The following TMCO4 variants were observed in gnomAD, a reference collection of about 807,000 sequenced individuals.
TMCO4 encodes the protein transmembrane and coiled-coil domains 4.
A neutral mutation model predicts 64.7 loss-of-function variants in TMCO4; 58 were observed. That is an observed-to-expected ratio of 0.90 (90% CI 0.73 to 1.12). TMCO4 has a LOEUF of 1.12. Ranked by LOEUF, TMCO4 falls within the 50% of genes most tolerant of loss-of-function variation. The probability of loss-of-function intolerance (pLI) is 0.00; values close to 1 mark genes in which losing one functional copy is unlikely to be tolerated. For missense variants in TMCO4, 780 were observed against 825.9 expected, an observed-to-expected ratio of 0.94 and a Z score of 0.68; for synonymous variants, 325 against 346.1, an observed-to-expected ratio of 0.94 and a Z score of 0.68.
At chr1:19,709,287 G>A (rs531416821) in intron 13 of TMCO4, among the ~76,000 whole-genome samples, 808 of 46,182 alleles carry the variant, frequency 0.017, 12 homozygotes, top group African/African-American at 0.062. Context: ...ACATCCCGGC[G>A]GGGGGGGGGG....
intron 7 of TMCO4, among the ~76,000 whole-genome samples, chr1:19,752,964 A>AT (rs34801580): frequency 0.051 from 7,388 of 143,996 alleles, 219 homozygotes; most frequent in Middle Eastern, 0.072. Context: ...TTTAATTGTA[A>AT]TTTTTTTTTT....
intron 13 of TMCO4, among the ~76,000 whole-genome samples, chr1:19,703,351 A>G (rs2095284351): frequency 6.6e-6 from 1 of 152,072 alleles, no homozygotes; most frequent in Non-Finnish European, 1.5e-5. Context: ...GTGAATGCAC[A>G]GTGGGAGTTC....
chr1:19,730,493 T>C (rs1350445623), intron 13 of TMCO4, among the ~76,000 whole-genome samples: 2 of 152,266 alleles, frequency 1.3e-5, no homozygotes, highest in Admixed American at 6.5e-5. Context: ...GTACTCTCTG[T>C]TGGCATTATT....
At position 19,745,421 on chromosome 1, in the gene TMCO4, G is replaced by A. The variant is rs115302357; in HGVS notation, c.877+111C>T. On this transcript the variant is annotated intron_variant, in intron 10 of 15. Transcript: ENST00000294543. Reference sequence around the variant, plus strand: ...TCTGAGCCTCAGTTTCTTCCTCTGCGAAATGGGGCTCCCTATACCTGCTCC... The same window carrying A: ...TCTGAGCCTCAGTTTCTTCCTCTGCAAAATGGGGCTCCCTATACCTGCTCC... 3.4e-3 allele frequency: 5,134 copies of A among 1,516,064 alleles called. 132 individuals are homozygous for A. The African/African-American group carries it at 0.051, about 15-fold the overall frequency. The allele number at this position is 1,516,064 out of a possible 1,614,324, so 93.9% of individuals were successfully genotyped here.
chr1:19,773,473 C>T (rs1212849306), intron 4 of TMCO4, among the ~76,000 whole-genome samples: 1 of 152,172 alleles, frequency 6.6e-6, no homozygotes, highest in African/African-American at 2.4e-5. Context: ...TGTGCATCAG[C>T]CAGTTACCGG....
intron 13 of TMCO4, among the ~76,000 whole-genome samples, chr1:19,729,906 T>C (rs1239110125): frequency 6.6e-6 from 1 of 152,236 alleles, no homozygotes; most frequent in Non-Finnish European, 1.5e-5. Flanking sequence ...TGTATTAAAA[T>C]ATCCCACATA....
At chr1:19,716,209 G>C (rs184987316) in intron 13 of TMCO4, among the ~76,000 whole-genome samples, 1 of 143,654 alleles carries the variant, frequency 7.0e-6, no homozygotes, top group African/African-American at 2.6e-5. Flanking sequence ...TTTTGAGATG[G>C]AGTCTCACAC....
intron 10 of TMCO4, among the ~76,000 whole-genome samples, chr1:19,742,024 C>A (rs1215818993): frequency 2.6e-5 from 4 of 152,192 alleles, no homozygotes; most frequent in African/African-American, 7.2e-5. Flanking sequence ...AGGCGTGAAC[C>A]ACTGCGCCCG....
chr1:19,739,129 A>G (rs1254210221), intron 12 of TMCO4, among the ~76,000 whole-genome samples: 2 of 152,158 alleles, frequency 1.3e-5, no homozygotes, highest in Non-Finnish European at 2.9e-5. Context: ...GTTTTCTCCC[A>G]CTTCCAGCCA....
chr1:19,770,671 C>A, intron 5 of TMCO4, 102 bp from the exon 6 acceptor site: 3 of 1,168,404 alleles, frequency 2.6e-6, no homozygotes, highest in East Asian at 2.4e-5. Context: ...ACAAGACAGA[C>A]AAAAAGCCAC....
At chr1:19,761,222 T>G (rs1316900365) in intron 6 of TMCO4, among the ~76,000 whole-genome samples, 1 of 152,168 alleles carries the variant, frequency 6.6e-6, no homozygotes, top group Non-Finnish European at 1.5e-5. Flanking sequence ...CCGCCACCCA[T>G]TCCCCGCACC....
intron 3 of TMCO4, among the ~76,000 whole-genome samples, chr1:19,783,772 C>G (rs1163631789): frequency 6.6e-6 from 1 of 152,204 alleles, no homozygotes; most frequent in East Asian, 1.9e-4. Flanking sequence ...TTCCTCTACA[C>G]CAGCACAGGG....
At chr1:19,735,688 G>A (rs1667927628) in intron 13 of TMCO4, among the ~76,000 whole-genome samples, 1 of 152,126 alleles carries the variant, frequency 6.6e-6, no homozygotes, top group South Asian at 2.1e-4. Flanking sequence ...CAATTTGTTT[G>A]GCAGGGGAAT....
intron 4 of TMCO4, among the ~76,000 whole-genome samples, chr1:19,773,688 A>C (rs1341994475): frequency 6.6e-6 from 1 of 152,158 alleles, no homozygotes; most frequent in Non-Finnish European, 1.5e-5. Context: ...CAGTGTCCTT[A>C]TCTGCAAAAT....
chr1:19,784,950 TGTGGCCCACAGGCC>T (rs989549697), intron 3 of TMCO4, among the ~76,000 whole-genome samples: 2 of 152,144 alleles, frequency 1.3e-5, no homozygotes, highest in Non-Finnish European at 2.9e-5. Context: ...CTGGGCTATA[TGTGGCCCACAGGCC>T]GAAGATTGGA....
At chr1:19,752,599 G>A (rs1031590727) in intron 7 of TMCO4, among the ~76,000 whole-genome samples, 28 of 152,118 alleles carry the variant, frequency 1.8e-4, no homozygotes, top group Non-Finnish European at 2.4e-4. Flanking sequence ...TTATCACTGA[G>A]AGGTCTACAG....
intron 13 of TMCO4, among the ~76,000 whole-genome samples, chr1:19,721,555 G>A (rs904409940): frequency 6.6e-6 from 1 of 152,148 alleles, no homozygotes; most frequent in Admixed American, 6.6e-5. Flanking sequence ...TTGGGAGGCC[G>A]AGGTGAGTGG....
At chr1:19,712,615 G>A (rs573030081) in intron 13 of TMCO4, among the ~76,000 whole-genome samples, 100 of 135,548 alleles carry the variant, frequency 7.4e-4, no homozygotes, top group African/African-American at 2.5e-3. Flanking sequence ...GCGAGACTCC[G>A]TCTCAAAAAA....
At chr1:19,786,883 T>A (rs2043771022) in intron 3 of TMCO4, 143 bp downstream of exon 3, 2 of 152,094 alleles carry the variant, frequency 1.3e-5, no homozygotes, top group South Asian at 4.1e-4. Flanking sequence ...CCTACTACAG[T>A]GGTGACTAAG....
Sources: gnomAD v4.1 joint callset for allele counts (sites outside exome capture counted in the v4.1 genomes callset) on GRCh38, gnomAD v4.1.1 for gene constraint, MANE v1.5 for transcripts, NCBI Gene and HGNC (gene_info 2026-07-23, HGNC 2026-07-21) for gene names.